Variants in ISG20 observed in about 807,000 individuals in gnomAD.
The protein encoded by ISG20 is interferon-stimulated gene 20 kDa protein.
Under a neutral mutation model 11.1 loss-of-function variants are expected in ISG20, and 8 were observed. The observed-to-expected ratio is 0.72, with a 90% confidence interval of 0.42 to 1.30. The LOEUF (loss-of-function observed/expected upper bound fraction) is 1.30, where lower values mean the gene tolerates loss of function less well. ISG20 is among the 50% of genes most tolerant of loss of function. The pLI, the probability that ISG20 is intolerant of heterozygous loss-of-function variation, is 0.01. For missense variants in ISG20, 243 were observed against 250.2 expected, an observed-to-expected ratio of 0.97 and a Z score of 0.19; for synonymous variants, 110 against 101.7, an observed-to-expected ratio of 1.08 and a Z score of -0.49.
chr15:88,650,572 C>A lies in ISG20; in HGVS notation c.229-1538C>A. On this transcript the variant is annotated intron_variant, in intron 2 of 3. Coordinates refer to ENST00000306072, the MANE Select transcript of ISG20 (RefSeq NM_002201.6). The surrounding 1 kb of genome is among the most constrained non-coding windows in gnomAD (Gnocchi z 4.0). ...AATGTCAATACTTATTTCGCTCGGCCACCTGCAGTTTGGGCAGGTGCTCTG... is the reference window on the plus strand; with the variant it reads ...AATGTCAATACTTATTTCGCTCGGCAACCTGCAGTTTGGGCAGGTGCTCTG... 5.9e-6 allele frequency: 5 copies of A among 849,468 alleles called. No individual in the cohort carries two copies. Among genetic ancestry groups the A allele is most frequent in the Non-Finnish European group, 8.2e-6 (5 of 610,920 alleles). The allele number at this position is 849,468 out of a possible 1,614,324, so 52.6% of individuals were successfully genotyped here.
At chr15:88,653,779 C>T (rs1336862241) in intron 3 of ISG20, among the ~76,000 whole-genome samples, 2 of 149,300 alleles carry the variant, frequency 1.3e-5, no homozygotes, top group Non-Finnish European at 1.5e-5. Flanking sequence ...CCACAGGACA[C>T]AAGGAGCTAA....
chr15:88,652,117 A>C lies in ISG20; in HGVS notation c.236A>C (p.Gln79Pro), dbSNP rs1190639874. The change falls in exon 3 of 4, where the codon CAG becomes CCG. Residue 79 changes from glutamine (Q) to proline (P), a missense_variant. Physicochemically the swap from Gln to Pro is moderately conservative, Grantham distance 76 (BLOSUM62 -1). Transcript: ENST00000306072. The stretch of plus-strand genomic sequence containing the variant: ...ACATGTCTTCCTGGCCAGATCCTGC[A>C]GCTCCTGAAAGGCAAGCTGGTGGTG... ...PFAVARLEIL[Q>P]LLKGKLVVGH... The C allele has an allele frequency of 6.2e-6, 10 of 1,614,054 alleles. No homozygotes were observed. Among genetic ancestry groups the C allele is most frequent in the Non-Finnish European group, 7.6e-6 (9 of 1,179,992 alleles).
chr15:88,639,590 T>C lies in ISG20; in HGVS notation c.224T>C (p.Leu75Pro). 1 of 1,613,494 alleles carries C rather than the reference T, an allele frequency of 6.2e-7. No individual in the cohort carries two copies. The highest frequency in any genetic ancestry group is 1.1e-5 in the South Asian group (1 of 91,080). Reference sequence around the variant, plus strand: ...GCCACACCATTTGCCGTGGCCAGGCTAGAGGTGAGTGAAGGCCCGGCCAGC... The same window carrying C: ...GCCACACCATTTGCCGTGGCCAGGCCAGAGGTGAGTGAAGGCCCGGCCAGC... ...VGATPFAVARLEILQLLKGKL... is the reference protein window; with the variant it reads ...VGATPFAVARPEILQLLKGKL... The change falls in exon 2 of 4, where the codon CTA (leucine) becomes CCA (proline). Residue 75 changes from leucine (L) to proline (P), a missense_variant. By Grantham distance (98) the Leu-to-Pro change is moderately conservative (BLOSUM62 -3). Coordinates refer to ENST00000306072, the MANE Select transcript of ISG20 (RefSeq NM_002201.6). The surrounding 1 kb of genome is among the most constrained non-coding windows in gnomAD (Gnocchi z 4.2).
At chr15:88,652,050 C>A in intron 2 of ISG20, 60 bp from the exon 3 acceptor site, 1 of 1,607,588 alleles carries the variant, frequency 6.2e-7, no homozygotes, top group Non-Finnish European at 8.5e-7. Flanking sequence ...CCTTGCCAGC[C>A]CCAGCCCCAC....
chr15:88,651,785 G>T, intron 2 of ISG20: 1 of 1,111,110 alleles, frequency 9.0e-7, no homozygotes, highest in Non-Finnish European at 1.1e-6. Context: ...TTGTTGGGAA[G>T]ATTAAACAAC....
intron 3 of ISG20, among the ~76,000 whole-genome samples, chr15:88,654,794 T>C (rs1447731761): frequency 6.6e-6 from 1 of 152,182 alleles, no homozygotes; most frequent in African/African-American, 2.4e-5. Flanking sequence ...CTCCCTTGAA[T>C]GGACCGAGGG....
At chr15:88,636,248 C>T (rs1472492401), upstream of ISG20, 3 of 152,418 alleles carry the variant, frequency 2.0e-5, no homozygotes, top group East Asian at 5.8e-4. Context: ...CCTGATCCAA[C>T]AAGATTTGTG....
rs1445317030 is a variant in ISG20, at chr15:88,643,415, A to G, written c.228+3821A>G. On this transcript the variant is annotated intron_variant, in intron 2 of 3. Transcript: ENST00000306072. The surrounding 1 kb of genome is among the most constrained non-coding windows in gnomAD (Gnocchi z 4.4). ...TGGCTGTTGGGTGATATAAAATTAC[A>G]TTTGTGGGCCAGGTGCAGTGGTTCA... is the stretch of plus-strand genomic sequence containing the variant. 6.6e-6 allele frequency among the ~76,000 whole-genome samples: 1 copy of G among 152,094 alleles called. No homozygotes were observed. The highest frequency in any genetic ancestry group is 1.5e-5 in the Non-Finnish European group (1 of 68,004).
upstream of ISG20, among the ~76,000 whole-genome samples, chr15:88,635,774 G>A: frequency 6.6e-6 from 1 of 152,030 alleles, no homozygotes; most frequent in Admixed American, 6.5e-5. Flanking sequence ...AAATAGACTA[G>A]TATTTACATG....
chr15:88,644,176 A>AGTTT (rs1364166428), intron 2 of ISG20, among the ~76,000 whole-genome samples: 1 of 152,228 alleles, frequency 6.6e-6, no homozygotes, highest in African/African-American at 2.4e-5. Context: ...GATAAAAACC[A>AGTTT]GTTTCAAGAA....
chr15:88,644,961 A>G (rs1190030588), intron 2 of ISG20, among the ~76,000 whole-genome samples: 2 of 152,206 alleles, frequency 1.3e-5, no homozygotes, highest in Admixed American at 1.3e-4. Flanking sequence ...GCCCTTGAGC[A>G]TTGGCCTCGG....
chr15:88,645,248 G>T (rs1038863893), intron 2 of ISG20, among the ~76,000 whole-genome samples: 1 of 152,160 alleles, frequency 6.6e-6, no homozygotes, highest in Non-Finnish European at 1.5e-5. Context: ...AATCATAAAA[G>T]AGAACTCCTA....
chr15:88,636,706 T>G (rs79908194), upstream of ISG20, among the ~76,000 whole-genome samples: 439 of 152,290 alleles, frequency 2.9e-3, 2 homozygotes, highest in Middle Eastern at 0.014. Context: ...AATGGATTAT[T>G]TTTTAATTTT....
Position 88,639,765 on chromosome 15 carries a change from G to C in ISG20, c.228+171G>C, listed in dbSNP as rs1278598881. ...CATCACATCCTGGAGAAGGCTTCCT[G>C]TCTTCAGAGAACCATAGACTCACAT... is the stretch of plus-strand genomic sequence containing the variant. On this transcript the variant is annotated intron_variant, in intron 2 of 3. Coordinates refer to ENST00000306072, the MANE Select transcript of ISG20 (RefSeq NM_002201.6). This position sits in a 1 kb window ranked among gnomAD's most constrained non-coding sequence, Gnocchi z 4.2. 1.3e-5 allele frequency among the ~76,000 whole-genome samples: 2 copies of C among 152,228 alleles called. No homozygotes were observed. The highest frequency in any genetic ancestry group is 2.9e-5 in the Non-Finnish European group (2 of 68,038).
chr15:88,655,552 G>A lies in ISG20; in HGVS notation c.*21G>A, dbSNP rs201878375. ...ACTGAAGCCCCATCCAGCCCGTTCC[G>A]CAGGGACTAGAGGCTTTCGGCTTTT... On this transcript the variant is annotated 3_prime_UTR_variant, in exon 4 of 4. Transcript: ENST00000306072. 23 of 1,590,550 alleles carry A rather than the reference G, an allele frequency of 1.4e-5. No individual in the cohort carries two copies. The highest frequency in any genetic ancestry group is 1.7e-4 in the Middle Eastern group (1 of 6,000).
chr15:88,655,359 C>A, intron 3 of ISG20, 56 bp from the exon 4 acceptor site: 3 of 1,500,626 alleles, frequency 2.0e-6, no homozygotes, highest in Non-Finnish European at 2.8e-6. Context: ...GACCCTGTCA[C>A]GGGGCCTCTG....
At chr15:88,648,267 C>A (rs549263200) in intron 2 of ISG20, 8 of 152,376 alleles carry the variant, frequency 5.3e-5, no homozygotes, top group Middle Eastern at 3.4e-3. Context: ...GACTGCTCAG[C>A]GGGATTCAGT....
chr15:88,639,838 G>A lies in ISG20; in HGVS notation c.228+244G>A, dbSNP rs764007222. Reference sequence around the variant, plus strand: ...CTATCTGGATCTGGTCCAACTTGCCGGTCTTAAAATGGGGAAACTGAGTTC... The same window carrying A: ...CTATCTGGATCTGGTCCAACTTGCCAGTCTTAAAATGGGGAAACTGAGTTC... On this transcript the variant is annotated intron_variant, in intron 2 of 3. Transcript: ENST00000306072. The surrounding 1 kb of genome is among the most constrained non-coding windows in gnomAD (Gnocchi z 4.2). Among the ~76,000 whole-genome samples, 8 of 152,196 alleles carry A rather than the reference G, an allele frequency of 5.3e-5. No homozygotes were observed. Among genetic ancestry groups the A allele is most frequent in the African/African-American group, 9.7e-5 (4 of 41,446 alleles).
At chr15:88,636,575 G>GT (rs2057988605), upstream of ISG20, among the ~76,000 whole-genome samples, 1 of 152,162 alleles carries the variant, frequency 6.6e-6, no homozygotes, top group African/African-American at 2.4e-5. Flanking sequence ...TAAAGACAAG[G>GT]TCTCCCTATG....
Sources: allele counts gnomAD v4.1 joint callset (sites outside exome capture counted in the v4.1 genomes callset), GRCh38; gene constraint gnomAD v4.1.1; non-coding constraint Gnocchi (gnomAD v3.1); transcripts MANE v1.5; gene names NCBI Gene and HGNC (gene_info 2026-07-23, HGNC 2026-07-21).